The following CPXM2 variants were observed in gnomAD, a reference collection of about 807,000 sequenced individuals.
The protein encoded by CPXM2 is carboxypeptidase X, M14 family member 2.
A neutral mutation model predicts 86.1 loss-of-function variants in CPXM2; 66 were observed. The observed-to-expected ratio is 0.77, with a 90% CI of 0.63 to 0.94. The LOEUF is 0.94. CPXM2 is among the 40% of genes least tolerant of loss of function. CPXM2 has a pLI of 0.00. For synonymous variants in CPXM2, 388 were observed against 400.2 expected (o/e 0.97, Z 0.36); for missense variants, 948 against 1,026.3 (o/e 0.92, Z 1.04).
At chr10:123,750,450 T>C (rs1846049655) in intron 13 of CPXM2, 1 of 985,018 alleles carries the variant, frequency 1.0e-6, no homozygotes, top group Admixed American at 6.1e-5. Context: ...TGGAATGCTA[T>C]TCTTTGCTCT....
At chr10:123,850,976 A>C (rs1033888049) in intron 3 of CPXM2, among the ~76,000 whole-genome samples, 2 of 152,166 alleles carry the variant, frequency 1.3e-5, no homozygotes, top group Non-Finnish European at 2.9e-5. Flanking sequence ...CATTTTATGA[A>C]CGCTTCCATT....
intron 4 of CPXM2, among the ~76,000 whole-genome samples, chr10:123,814,212 G>A (rs752688285): frequency 7.2e-5 from 11 of 152,188 alleles, no homozygotes; most frequent in Non-Finnish European, 1.5e-4. Context: ...TAACATCTGA[G>A]TCAGTAGGCT....
At chr10:123,811,707 T>C (rs913674740) in intron 4 of CPXM2, among the ~76,000 whole-genome samples, 1 of 152,172 alleles carries the variant, frequency 6.6e-6, no homozygotes, top group Admixed American at 6.5e-5. Context: ...TAGATTAATA[T>C]TGAGAATATA....
chr10:123,915,491 G>T (rs1312993922), intron 2 of CPXM2, among the ~76,000 whole-genome samples: 2 of 152,296 alleles, frequency 1.3e-5, no homozygotes, highest in East Asian at 3.9e-4. Context: ...CTGGGAGGTG[G>T]AGGTTGCAGT....
chr10:123,851,574 T>C (rs970909809), intron 3 of CPXM2, among the ~76,000 whole-genome samples: 2 of 151,984 alleles, frequency 1.3e-5, no homozygotes, highest in Non-Finnish European at 2.9e-5. Flanking sequence ...TCCAGACCAT[T>C]CTGGCTAACA....
Position 123,762,019 on chromosome 10 carries a change from C to A in CPXM2, c.1630G>T (p.Asp544Tyr), listed in dbSNP as rs752778704. ...WKTQEHTPTP[D>Y]DHVFRWLAYS... ...GCCAGCCAGCGGAACACGTGGTCGT[C>A]GGGGGTGGGGGTGTGTTCCTGCGTC... The change falls in exon 11 of 14, where the codon GAC becomes TAC. Residue 544 changes from aspartate (D) to tyrosine (Y), a missense_variant. Transcript: ENST00000241305. 6.2e-7 allele frequency: 1 copy of A among 1,613,520 alleles called. No individual in the cohort carries two copies. Among genetic ancestry groups the A allele is most frequent in the Non-Finnish European group, 8.5e-7 (1 of 1,179,776 alleles).
At chr10:123,839,003 A>G (rs1848331092) in intron 4 of CPXM2, among the ~76,000 whole-genome samples, 1 of 152,332 alleles carries the variant, frequency 6.6e-6, no homozygotes, top group African/African-American at 2.4e-5. Flanking sequence ...TTTTCTAAAT[A>G]TTTCCAAGAA....
At chr10:123,830,472 C>T (rs1285253201) in intron 4 of CPXM2, among the ~76,000 whole-genome samples, 1 of 152,226 alleles carries the variant, frequency 6.6e-6, no homozygotes, top group African/African-American at 2.4e-5. Flanking sequence ...TAGTCCCCAA[C>T]CTTCATTTGT....
intron 4 of CPXM2, among the ~76,000 whole-genome samples, chr10:123,818,009 T>C (rs1464322010): frequency 6.6e-6 from 1 of 152,158 alleles, no homozygotes; most frequent in Non-Finnish European, 1.5e-5. Context: ...GGCTGGATGG[T>C]CAGGGACTTG....
chr10:123,871,140 CT>C (rs1944889618), intron 2 of CPXM2, among the ~76,000 whole-genome samples: 1 of 152,204 alleles, frequency 6.6e-6, no homozygotes, highest in Non-Finnish European at 1.5e-5. Flanking sequence ...GCTGTTCTGT[CT>C]GAAAAGCCTC....
rs201368456 is a variant in CPXM2, at chr10:123,937,470, A to AACACACACACACACAC, written n.174+1991_174+2006dup. 2.3e-3 allele frequency among the ~76,000 whole-genome samples: 309 copies of AACACACACACACACAC among 132,644 alleles called. 4 individuals are homozygous for AACACACACACACACAC. Among genetic ancestry groups the AACACACACACACACAC allele is most frequent in the Non-Finnish European group, 3.8e-3 (235 of 61,706 alleles). 87.0% of individuals were successfully genotyped at this position (132,644 alleles called of 152,430 possible). On this transcript the variant is annotated intron_variant and non_coding_transcript_variant, in intron 2 of 19. Transcript: ENST00000368854. ...TGTTAGAAAAACAAGACAACAAAAC[A>AACACACACACACACAC]ACACACACACACACACACACACACA... is the stretch of plus-strand genomic sequence containing the variant.
At chr10:123,918,397 T>C (rs746225615) in intron 2 of CPXM2, among the ~76,000 whole-genome samples, 25 of 152,186 alleles carry the variant, frequency 1.6e-4, no homozygotes, top group Non-Finnish European at 3.7e-4. Context: ...GGACAGACTA[T>C]ATAAAATAAC....
chr10:123,836,053 A>C (rs1848273154), intron 4 of CPXM2, among the ~76,000 whole-genome samples: 1 of 152,078 alleles, frequency 6.6e-6, no homozygotes, highest in African/African-American at 2.4e-5. Flanking sequence ...CGCTTCTGCT[A>C]GACCCCACTG....
In CPXM2 at chr10:123,780,177, T is replaced by G; in HGVS notation, c.968A>C (p.Glu323Ala). ...TGATCTGGGTCTTACCTGGCGCATT[T>G]CCTTATAATTGTGGTGCTTAAAATC... ...DLDFKHHNYKEMRQLMKVVNE... is the reference protein window; with the variant it reads ...DLDFKHHNYKAMRQLMKVVNE... The change falls in exon 7 of 14, where the codon GAA becomes GCA. Residue 323 changes from glutamate to alanine, a missense_variant. Transcript: ENST00000241305. 2 of 1,603,436 alleles carry G rather than the reference T, an allele frequency of 1.2e-6. No individual in the cohort carries two copies. The highest frequency in any genetic ancestry group is 2.2e-5 in the South Asian group (2 of 90,838).
chr10:123,880,194 C>T lies in CPXM2; in HGVS notation c.403+17G>A, dbSNP rs138568120. Reference sequence around the variant, plus strand: ...GGCCTAGGACTGGTGTAGGGGCTCTCCGAGAGCCTCACTTACTCTCTCTGA... The same window carrying T: ...GGCCTAGGACTGGTGTAGGGGCTCTTCGAGAGCCTCACTTACTCTCTCTGA... On this transcript the variant is annotated intron_variant, in intron 2 of 13. Transcript: ENST00000241305. 1.9e-3 allele frequency: 1,384 copies of T among 745,606 alleles called. 17 individuals are homozygous for T. In the African/African-American group the frequency reaches 0.024, roughly 13 times the overall value. 46.2% of individuals were successfully genotyped at this position (745,606 alleles called of 1,614,324 possible).
At position 123,773,433 on chromosome 10, in the gene CPXM2, T is replaced by C. The variant is rs150738108; in HGVS notation, c.979-2394A>G. 6.5e-3 allele frequency among the ~76,000 whole-genome samples: 994 copies of C among 152,368 alleles called. 5 individuals carry two copies. The highest frequency in any genetic ancestry group is 0.01 in the Non-Finnish European group (705 of 68,038). ...TCGTTGTGGTTCTCACCTCCCTCTG[T>C]GGTGGTGATTACTTTTCTCACTGTG... is the stretch of plus-strand genomic sequence containing the variant. On this transcript the variant is annotated intron_variant, in intron 7 of 13. Coordinates refer to ENST00000241305, the MANE Select transcript of CPXM2 (RefSeq NM_198148.3).
chr10:123,849,212 T>A (rs1848552318), intron 3 of CPXM2, among the ~76,000 whole-genome samples: 1 of 152,214 alleles, frequency 6.6e-6, no homozygotes, highest in South Asian at 2.1e-4. Flanking sequence ...TTGCTTTAAG[T>A]GCATACCTCT....
chr10:123,828,195 T>C (rs1255907217), intron 4 of CPXM2, among the ~76,000 whole-genome samples: 2 of 151,812 alleles, frequency 1.3e-5, no homozygotes, highest in African/African-American at 4.8e-5. Flanking sequence ...AGAAAAAAAG[T>C]TAAAGAAAGA....
At chr10:123,751,386 C>G in intron 13 of CPXM2, 1 of 345,844 alleles carries the variant, frequency 2.9e-6, no homozygotes, top group Non-Finnish European at 4.1e-6. Context: ...TTTACATTCC[C>G]TTGTTATCTA....
Sources: allele counts gnomAD v4.1 joint callset (sites outside exome capture counted in the v4.1 genomes callset), GRCh38; gene constraint gnomAD v4.1.1; transcripts MANE v1.5; gene names NCBI Gene and HGNC (gene_info 2026-07-23, HGNC 2026-07-21).